The following CAMK1D variants were observed in gnomAD, a reference collection of about 807,000 sequenced individuals.
The protein encoded by CAMK1D is calcium/calmodulin-dependent protein kinase type 1D.
Under a neutral mutation model 47.7 loss-of-function variants are expected in CAMK1D, and 9 were observed. The observed-to-expected ratio is 0.19, with a 90% CI of 0.11 to 0.33. The LOEUF is 0.33. Among genes scored for constraint, CAMK1D ranks in the 10% least tolerant of loss-of-function variants. CAMK1D has a pLI of 1.00. For synonymous variants in CAMK1D, 184 were observed against 184.9 expected, an observed-to-expected ratio of 0.99 and a Z score of 0.04; for missense variants, 291 against 488.7, an observed-to-expected ratio of 0.60 and a Z score of 3.81.
intron 1 of CAMK1D, among the ~76,000 whole-genome samples, chr10:12,433,139 G>A (rs890884750): frequency 1.3e-5 from 2 of 152,168 alleles, no homozygotes; most frequent in African/African-American, 4.8e-5. Context: ...TCCTCTCACA[G>A]CCTCAGAATT....
In CAMK1D at chr10:12,705,789, C is replaced by G. The variant is rs558306361; in HGVS notation, c.299+38979C>G. The stretch of plus-strand genomic sequence containing the variant: ...AGTATGATGGATGGTTCGTGCTAGT[C>G]TAAGAGGAGCAATATCTCACGTCGC... On this transcript the variant is annotated intron_variant, in intron 3 of 10. Transcript: ENST00000619168. Among the ~76,000 whole-genome samples the G allele has an allele frequency of 2.8e-4, 43 of 152,292 alleles. 1 individual carries two copies. In the South Asian group the frequency reaches 8.5e-3, roughly 30 times the overall value.
At chr10:12,726,292 C>T (rs1417473928) in intron 3 of CAMK1D, among the ~76,000 whole-genome samples, 1 of 151,880 alleles carries the variant, frequency 6.6e-6, no homozygotes, top group Admixed American at 6.6e-5. Flanking sequence ...GGCATAGTGG[C>T]ACGCACCTGT....
At chr10:12,524,057 A>T (rs1835535494) in intron 1 of CAMK1D, among the ~76,000 whole-genome samples, 1 of 151,812 alleles carries the variant, frequency 6.6e-6, no homozygotes, top group Admixed American at 6.6e-5. Context: ...ACGCCTGGCT[A>T]ATTTTTTGTA....
intron 1 of CAMK1D, among the ~76,000 whole-genome samples, chr10:12,489,420 T>C (rs1022756523): frequency 1.3e-5 from 2 of 151,858 alleles, no homozygotes; most frequent in Admixed American, 6.6e-5. Flanking sequence ...TCCTGGAGAG[T>C]TGAAGAAAAA....
intron 4 of CAMK1D, among the ~76,000 whole-genome samples, chr10:12,762,861 C>T (rs999069796): frequency 6.6e-6 from 1 of 152,208 alleles, no homozygotes; most frequent in African/African-American, 2.4e-5. Context: ...CTCTCTTGTG[C>T]CCCCACAAAT....
chr10:12,370,118 A>C (rs1018964178), intron 1 of CAMK1D, among the ~76,000 whole-genome samples: 2 of 152,142 alleles, frequency 1.3e-5, no homozygotes, highest in South Asian at 4.1e-4. Flanking sequence ...TCAGTGATAC[A>C]TGGACTGCAT....
chr10:12,386,628 CAAAT>C (rs925590884), intron 1 of CAMK1D, among the ~76,000 whole-genome samples: 10 of 152,062 alleles, frequency 6.6e-5, no homozygotes, highest in African/African-American at 1.4e-4. Context: ...AATAAGTTAA[CAAAT>C]AATATGATCC....
chr10:12,790,632 C>T (rs1223097171), intron 5 of CAMK1D, among the ~76,000 whole-genome samples: 1 of 137,526 alleles, frequency 7.3e-6, no homozygotes, highest in Non-Finnish European at 1.6e-5. Flanking sequence ...CACTCACCCA[C>T]ACACCCCTTC....
chr10:12,457,914 G>A (rs1833305397), intron 1 of CAMK1D, among the ~76,000 whole-genome samples: 1 of 152,166 alleles, frequency 6.6e-6, no homozygotes, highest in Non-Finnish European at 1.5e-5. Context: ...CACAGGGGAA[G>A]GGAGTGATTG....
chr10:12,361,974 C>T (rs192569651), intron 1 of CAMK1D, among the ~76,000 whole-genome samples: 11 of 152,262 alleles, frequency 7.2e-5, no homozygotes, highest in Non-Finnish European at 1.3e-4. Flanking sequence ...CCCTACCCCC[C>T]GCCGGTCTGT....
chr10:12,377,263 T>C (rs1214641050), intron 1 of CAMK1D, among the ~76,000 whole-genome samples: 1 of 152,184 alleles, frequency 6.6e-6, no homozygotes, highest in Non-Finnish European at 1.5e-5. Flanking sequence ...CTGAAACTTT[T>C]AAAAAAAGTG....
At chr10:12,697,841 C>CTGTGT (rs1833358303) in intron 3 of CAMK1D, among the ~76,000 whole-genome samples, 1 of 152,184 alleles carries the variant, frequency 6.6e-6, no homozygotes, top group South Asian at 2.1e-4. Flanking sequence ...GGAGTAGAGG[C>CTGTGT]TGTGGGCTGT....
Position 12,735,666 on chromosome 10 carries a change from C to T in CAMK1D, c.300-25282C>T, listed in dbSNP as rs189074346. Among the ~76,000 whole-genome samples, 234 of 152,264 alleles carry T rather than the reference C, an allele frequency of 1.5e-3. 1 individual carries two copies. Among genetic ancestry groups the T allele is most frequent in the Non-Finnish European group, 2.5e-3 (168 of 68,012 alleles). On this transcript the variant is annotated intron_variant, in intron 3 of 10. Transcript: ENST00000619168. ...GTACCAACCGTCTCTCTGTACCAGA[C>T]CTGATGCTGAATTGTCCTGCCATGA...
chr10:12,394,895 A>G (rs2154248), intron 1 of CAMK1D, among the ~76,000 whole-genome samples: 132,357 of 151,904 alleles, frequency 0.87, 57,850 homozygotes, highest in African/African-American at 0.94. Flanking sequence ...GTGTGGTGGC[A>G]GGCAGGAAAG....
At chr10:12,493,892 CCT>C (rs922879761) in intron 1 of CAMK1D, among the ~76,000 whole-genome samples, 3 of 152,184 alleles carry the variant, frequency 2.0e-5, no homozygotes, top group African/African-American at 7.2e-5. Flanking sequence ...CTGTTGGAAG[CCT>C]CTCCTCTCAC....
At chr10:12,448,899 T>G (rs2724817) in intron 1 of CAMK1D, among the ~76,000 whole-genome samples, 1,989 of 148,234 alleles carry the variant, frequency 0.013, 49 homozygotes, top group African/African-American at 0.046. Context: ...GTTTTGGTGG[T>G]TTTCTTAACT....
At chr10:12,504,039 T>C (rs775725798) in intron 1 of CAMK1D, among the ~76,000 whole-genome samples, 7 of 152,104 alleles carry the variant, frequency 4.6e-5, no homozygotes, top group Non-Finnish European at 1.0e-4. Context: ...CTTGAGCATA[T>C]TAACCAAAGA....
At chr10:12,677,352 A>C (rs1840844657) in intron 3 of CAMK1D, among the ~76,000 whole-genome samples, 1 of 152,190 alleles carries the variant, frequency 6.6e-6, no homozygotes, top group African/African-American at 2.4e-5. Flanking sequence ...TAAATTACCA[A>C]AATCTTATCT....
chr10:12,630,166 G>A (rs1199334419), intron 2 of CAMK1D, among the ~76,000 whole-genome samples: 1 of 151,986 alleles, frequency 6.6e-6, no homozygotes, highest in Non-Finnish European at 1.5e-5. Context: ...CCTGATATTC[G>A]AAGCTGCTTA....
Sources: allele counts gnomAD v4.1 joint callset (sites outside exome capture counted in the v4.1 genomes callset), GRCh38; gene constraint gnomAD v4.1.1; transcripts MANE v1.5; gene names NCBI Gene and HGNC (gene_info 2026-07-23, HGNC 2026-07-21).